RALYL: variants seen among roughly 807,000 people sequenced by gnomAD.
The protein encoded by RALYL is RNA-binding Raly-like protein.
A neutral mutation model predicts 35.1 loss-of-function variants in RALYL; 29 were observed. That is an observed-to-expected ratio of 0.83 (90% CI 0.61 to 1.13). The LOEUF is 1.13. Ranked by LOEUF, RALYL falls within the 50% of genes most tolerant of loss-of-function variation. RALYL has a pLI of 0.00. For synonymous variants in RALYL, 120 were observed against 127.6 expected (o/e 0.94, Z 0.40); for missense variants, 359 against 360.4 (o/e 1.00, Z 0.03).
chr8:84,470,893 A>T (rs927509044), intron 1 of RALYL, among the ~76,000 whole-genome samples: 1 of 152,244 alleles, frequency 6.6e-6, no homozygotes, highest in African/African-American at 2.4e-5. Flanking sequence ...TTTGGTTGTT[A>T]ATCACAATCA....
chr8:84,628,509 C>T (rs1190066680), intron 2 of RALYL, among the ~76,000 whole-genome samples: 1 of 152,054 alleles, frequency 6.6e-6, no homozygotes, highest in Non-Finnish European at 1.5e-5. Flanking sequence ...TTATTTAAGT[C>T]CTACAGAGTA....
At chr8:84,296,623 ATTTTTTT>A (rs397891420) in intron 1 of RALYL, among the ~76,000 whole-genome samples, 235 of 76,678 alleles carry the variant, frequency 3.1e-3, no homozygotes, top group African/African-American at 0.011. Context: ...TCTCTCTTGC[ATTTTTTT>A]TTTTTTTTTT....
chr8:84,714,135 T>G lies in RALYL; in HGVS notation c.257-60444T>G, dbSNP rs144774160. Among the ~76,000 whole-genome samples the G allele has an allele frequency of 4.0e-3, 602 of 151,836 alleles. 6 individuals carry two copies. Among genetic ancestry groups the G allele is most frequent in the African/African-American group, 0.013 (553 of 41,502 alleles). On this transcript the variant is annotated intron_variant, in intron 2 of 8. Transcript: ENST00000521268. ...TAAACCTAGAGGACATTATGCTAAA[T>G]GAATAAGCCAGGTACAGAAAGATAA...
At chr8:84,400,501 G>A (rs1213738061) in intron 1 of RALYL, among the ~76,000 whole-genome samples, 1 of 152,130 alleles carries the variant, frequency 6.6e-6, no homozygotes, top group African/African-American at 2.4e-5. Flanking sequence ...TTAATTGAAG[G>A]GGCCAACAAA....
chr8:84,455,152 T>C (rs1449245835), intron 1 of RALYL, among the ~76,000 whole-genome samples: 1 of 151,992 alleles, frequency 6.6e-6, no homozygotes, highest in Admixed American at 6.6e-5. Context: ...TGTAAGTAAA[T>C]CTCTGGCTGA....
chr8:84,344,774 A>T (rs78969893), intron 1 of RALYL, among the ~76,000 whole-genome samples: 6,873 of 152,138 alleles, frequency 0.045, 244 homozygotes, highest in Non-Finnish European at 0.06. Context: ...TAGATTCCTC[A>T]TATCAGTGAG....
chr8:84,889,002 G>A (rs943384548), intron 8 of RALYL, among the ~76,000 whole-genome samples: 2 of 152,064 alleles, frequency 1.3e-5, no homozygotes, highest in East Asian at 1.9e-4. Context: ...TGCCCACCTC[G>A]GCCTCCCAAA....
intron 1 of RALYL, among the ~76,000 whole-genome samples, chr8:84,372,540 C>T (rs987998430): frequency 1.3e-5 from 2 of 151,784 alleles, no homozygotes; most frequent in African/African-American, 4.8e-5. Flanking sequence ...GAGTTTGATA[C>T]CAGCCCTCAC....
intron 2 of RALYL, among the ~76,000 whole-genome samples, chr8:84,536,466 C>T (rs1292793049): frequency 6.6e-6 from 1 of 152,162 alleles, no homozygotes; most frequent in Non-Finnish European, 1.5e-5. Flanking sequence ...TCTGCATATG[C>T]CTCCAGCTTC....
At chr8:84,661,251 G>A (rs1034806202) in intron 2 of RALYL, among the ~76,000 whole-genome samples, 4 of 151,536 alleles carry the variant, frequency 2.6e-5, no homozygotes, top group Non-Finnish European at 4.4e-5. Flanking sequence ...ATATATAGAG[G>A]GACCATAAAT....
intron 1 of RALYL, among the ~76,000 whole-genome samples, chr8:84,370,461 C>T (rs1855460500): frequency 6.6e-6 from 1 of 151,294 alleles, no homozygotes; most frequent in South Asian, 2.1e-4. Flanking sequence ...CACACATATA[C>T]ACAACCATAC....
intron 1 of RALYL, among the ~76,000 whole-genome samples, chr8:84,462,597 A>G (rs921420782): frequency 6.0e-5 from 7 of 116,482 alleles, no homozygotes; most frequent in African/African-American, 2.5e-4. Flanking sequence ...ATGTATCTAG[A>G]TTCATTTTTT....
At chr8:84,563,354 G>A (rs2135628946) in intron 2 of RALYL, among the ~76,000 whole-genome samples, 1 of 151,768 alleles carries the variant, frequency 6.6e-6, no homozygotes, top group South Asian at 2.1e-4. Context: ...ATTATACAAA[G>A]GAAAAAGAAG....
At chr8:84,221,064 A>T (rs1352337500) in intron 1 of RALYL, among the ~76,000 whole-genome samples, 1 of 151,970 alleles carries the variant, frequency 6.6e-6, no homozygotes, top group East Asian at 1.9e-4. Context: ...GATATGGTTG[A>T]CTGTAAAAGA....
At chr8:84,274,676 T>A (rs1835011131) in intron 1 of RALYL, among the ~76,000 whole-genome samples, 1 of 152,154 alleles carries the variant, frequency 6.6e-6, no homozygotes, top group African/African-American at 2.4e-5. Context: ...ATTCAGGAAT[T>A]GTATCTCTAT....
At chr8:84,818,819 C>G (rs1827904498) in intron 4 of RALYL, among the ~76,000 whole-genome samples, 1 of 152,088 alleles carries the variant, frequency 6.6e-6, no homozygotes, top group East Asian at 1.9e-4. Context: ...AAAGAAAATG[C>G]CTGATGAAAT....
chr8:84,241,593 T>C (rs1827898208), intron 1 of RALYL, among the ~76,000 whole-genome samples: 1 of 151,940 alleles, frequency 6.6e-6, no homozygotes, highest in Admixed American at 6.6e-5. Flanking sequence ...CTGGCTGATA[T>C]GGTGAAACCC....
intron 2 of RALYL, among the ~76,000 whole-genome samples, chr8:84,588,906 T>G (rs746856165): frequency 2.4e-4 from 19 of 77,934 alleles, no homozygotes; most frequent in South Asian, 3.0e-4. Context: ...ATAGGACTTG[T>G]TTTTTTTTTG....
At chr8:84,595,716 AT>A (rs1373288933) in intron 2 of RALYL, among the ~76,000 whole-genome samples, 1 of 148,852 alleles carries the variant, frequency 6.7e-6, no homozygotes, top group Non-Finnish European at 1.5e-5. Flanking sequence ...TAGCAACATT[AT>A]TTTTTCCTCT....
Sources: allele counts gnomAD v4.1 joint callset (sites outside exome capture counted in the v4.1 genomes callset), GRCh38; gene constraint gnomAD v4.1.1; transcripts MANE v1.5; gene names NCBI Gene and HGNC (gene_info 2026-07-23, HGNC 2026-07-21).